ARHGAP15: variants seen among roughly 807,000 people sequenced by gnomAD.
The protein encoded by ARHGAP15 is Rho GTPase activating protein 15, also known as rho GTPase-activating protein 15.
A neutral mutation model predicts 63.7 loss-of-function variants in ARHGAP15; 51 were observed. The observed-to-expected ratio is 0.80, with a 90% CI of 0.64 to 1.01. The LOEUF is 1.01. Among genes scored for constraint, ARHGAP15 ranks in the 50% least tolerant of loss-of-function variants. The pLI, the probability that ARHGAP15 is intolerant of heterozygous loss-of-function variation, is 0.00. For missense variants in ARHGAP15, 560 were observed against 564.6 expected, an observed-to-expected ratio of 0.99 and a Z score of 0.08; for synonymous variants, 191 against 193.8, an observed-to-expected ratio of 0.99 and a Z score of 0.12.
chr2:143,445,845 TAAAAG>T (rs1359084718), intron 8 of ARHGAP15, among the ~76,000 whole-genome samples: 3 of 152,104 alleles, frequency 2.0e-5, no homozygotes, highest in African/African-American at 7.2e-5. Context: ...TTGGAGGCAA[TAAAAG>T]AAAAAGAAAC....
intron 9 of ARHGAP15, among the ~76,000 whole-genome samples, chr2:143,511,807 T>C (rs899132267): frequency 1.3e-5 from 2 of 152,208 alleles, no homozygotes; most frequent in Non-Finnish European, 2.9e-5. Flanking sequence ...TCTAGGTGTA[T>C]TAGATTTACA....
chr2:143,298,796 T>C (rs986250130), intron 6 of ARHGAP15, among the ~76,000 whole-genome samples: 11 of 151,864 alleles, frequency 7.2e-5, no homozygotes, highest in African/African-American at 2.7e-4. Flanking sequence ...TTGAATTTAA[T>C]AATTAAATTA....
At chr2:143,575,076 G>A (rs956843261) in intron 11 of ARHGAP15, among the ~76,000 whole-genome samples, 1 of 151,918 alleles carries the variant, frequency 6.6e-6, no homozygotes, top group African/African-American at 2.4e-5. Flanking sequence ...ATACCAACTC[G>A]CAAATCACAT....
intron 6 of ARHGAP15, among the ~76,000 whole-genome samples, chr2:143,302,539 GAT>G (rs2105157591): frequency 6.6e-6 from 1 of 152,110 alleles, no homozygotes; most frequent in Admixed American, 6.6e-5. Context: ...TAGTGGCACA[GAT>G]ATATGGAAGG....
chr2:143,194,419 T>C (rs1246342147), intron 2 of ARHGAP15, among the ~76,000 whole-genome samples: 2 of 152,226 alleles, frequency 1.3e-5, no homozygotes, highest in Non-Finnish European at 2.9e-5. Context: ...GAACTATAGC[T>C]TTGGCTTTGA....
intron 13 of ARHGAP15, among the ~76,000 whole-genome samples, chr2:143,749,571 TA>T (rs1354323569): frequency 6.6e-6 from 1 of 152,202 alleles, no homozygotes; most frequent in African/African-American, 2.4e-5. Context: ...TCACATTGTT[TA>T]ATTTATGCTT....
chr2:143,346,212 ACTCT>A (rs879897795), intron 6 of ARHGAP15, among the ~76,000 whole-genome samples: 2,348 of 135,250 alleles, frequency 0.017, 72 homozygotes, highest in African/African-American at 0.058. Flanking sequence ...TCACACACAC[ACTCT>A]CTCTCACACA....
chr2:143,700,841 G>T (rs1381647452), intron 12 of ARHGAP15, among the ~76,000 whole-genome samples: 1 of 152,042 alleles, frequency 6.6e-6, no homozygotes, highest in African/African-American at 2.4e-5. Context: ...TCATTAACTT[G>T]TACTTTTTTT....
At chr2:143,453,797 C>CG (rs1291694434) in intron 8 of ARHGAP15, among the ~76,000 whole-genome samples, 1 of 142,530 alleles carries the variant, frequency 7.0e-6, no homozygotes, top group Non-Finnish European at 1.5e-5. Context: ...TTTATCCAAT[C>CG]GGAAAAAAAA....
intron 8 of ARHGAP15, among the ~76,000 whole-genome samples, chr2:143,482,398 CTG>C (rs1692122258): frequency 6.6e-6 from 1 of 152,186 alleles, no homozygotes; most frequent in East Asian, 1.9e-4. Context: ...TTGTACCACA[CTG>C]TGTATTTTCC....
chr2:143,589,838 G>T (rs1049635810), intron 11 of ARHGAP15, among the ~76,000 whole-genome samples: 1 of 152,160 alleles, frequency 6.6e-6, no homozygotes, highest in African/African-American at 2.4e-5. Context: ...AAGTGAAACT[G>T]TTAAAAAATT....
At chr2:143,332,164 A>G (rs1684577263) in intron 6 of ARHGAP15, among the ~76,000 whole-genome samples, 1 of 152,150 alleles carries the variant, frequency 6.6e-6, no homozygotes, top group South Asian at 2.1e-4. Flanking sequence ...ATCAATTCAA[A>G]CAAAGAAATT....
At chr2:143,309,866 T>TTGTGTGTGTGTGTGTGTG (rs10562854) in intron 6 of ARHGAP15, among the ~76,000 whole-genome samples, 13 of 149,108 alleles carry the variant, frequency 8.7e-5, no homozygotes, top group African/African-American at 3.2e-4. Flanking sequence ...ATATATGAAC[T>TTGTGTGTGTGTGTGTGTG]TGTGTGTGTG....
chr2:143,129,707 A>G (rs1443688217), intron 1 of ARHGAP15, among the ~76,000 whole-genome samples: 2 of 152,206 alleles, frequency 1.3e-5, no homozygotes, highest in Non-Finnish European at 2.9e-5. Context: ...AAGATTTTGT[A>G]CTAAAATGTT....
intron 13 of ARHGAP15, among the ~76,000 whole-genome samples, chr2:143,763,686 AT>A (rs1686845367): frequency 6.8e-6 from 1 of 148,086 alleles, no homozygotes; most frequent in Non-Finnish European, 1.5e-5. Context: ...CAAATTGCAT[AT>A]GTATATGTAT....
chr2:143,370,489 AAAGT>A (rs1686501560), intron 6 of ARHGAP15, among the ~76,000 whole-genome samples: 1 of 147,846 alleles, frequency 6.8e-6, no homozygotes, highest in Admixed American at 6.8e-5. Context: ...CCTAAAACTT[AAAGT>A]ATAATAATAA....
intron 2 of ARHGAP15, 133 bp from the exon 3 acceptor site, chr2:143,202,001 A>C (rs753946168): frequency 2.7e-6 from 2 of 740,526 alleles, no homozygotes; most frequent in African/African-American, 3.6e-5. Context: ...AATGTCCAAA[A>C]CATTTACTTC....
intron 12 of ARHGAP15, among the ~76,000 whole-genome samples, chr2:143,662,505 T>C (rs1346268203): frequency 5.5e-4 from 79 of 143,252 alleles, no homozygotes; most frequent in African/African-American, 1.9e-3. Context: ...AAACGCAGAG[T>C]GCCTCTCCTC....
intron 12 of ARHGAP15, among the ~76,000 whole-genome samples, chr2:143,660,730 T>C (rs1450330015): frequency 6.6e-6 from 1 of 152,180 alleles, no homozygotes; most frequent in South Asian, 2.1e-4. Context: ...ACCATACGTT[T>C]CCTTGAGATA....
Sources: gnomAD v4.1 joint callset for allele counts (sites outside exome capture counted in the v4.1 genomes callset) on GRCh38, gnomAD v4.1.1 for gene constraint, MANE v1.5 for transcripts, NCBI Gene and HGNC (gene_info 2026-07-23, HGNC 2026-07-21) for gene names.